SUCLA2: variants seen among roughly 807,000 people sequenced by gnomAD.
SUCLA2 encodes succinate-CoA ligase ADP-forming subunit beta.
A neutral mutation model predicts 54.8 loss-of-function variants in SUCLA2; 30 were observed. The ratio of observed to expected loss-of-function variants is 0.55; its 90% CI spans 0.41 to 0.74. The LOEUF (loss-of-function observed/expected upper bound fraction) is 0.74. Among genes scored for constraint, SUCLA2 ranks in the 30% least tolerant of loss-of-function variants. SUCLA2 has a pLI of 0.00. For missense variants in SUCLA2, 476 were observed against 562.9 expected (o/e 0.85, Z 1.56); for synonymous variants, 172 against 188.9 (o/e 0.91, Z 0.74).
intron 2 of SUCLA2, among the ~76,000 whole-genome samples, chr13:47,995,326 T>C (rs1405632176): frequency 1.4e-5 from 2 of 148,110 alleles, no homozygotes; most frequent in Non-Finnish European, 3.0e-5. Flanking sequence ...TAACAAAAAT[T>C]TCACCACAAT....
chr13:47,989,736 G>C (rs1181925198), intron 2 of SUCLA2, among the ~76,000 whole-genome samples: 2 of 152,122 alleles, frequency 1.3e-5, no homozygotes, highest in Non-Finnish European at 2.9e-5. Flanking sequence ...GCAGGAATAT[G>C]TCATGATTTG....
At chr13:47,973,543 C>T (rs1949985163) in intron 4 of SUCLA2, 151 bp from the exon 5 acceptor site, 2 of 767,950 alleles carry the variant, frequency 2.6e-6, no homozygotes, top group East Asian at 5.4e-5. Context: ...CCTCACATCT[C>T]CAGCACAGTG....
intron 6 of SUCLA2, among the ~76,000 whole-genome samples, chr13:47,966,280 G>C (rs1407047742): frequency 6.6e-6 from 1 of 151,930 alleles, no homozygotes; most frequent in Non-Finnish European, 1.5e-5. Flanking sequence ...AAATTTAAAA[G>C]TAAGGGGAAA....
At chr13:47,979,895 C>G (rs566965330) in intron 4 of SUCLA2, among the ~76,000 whole-genome samples, 3 of 151,592 alleles carry the variant, frequency 2.0e-5, no homozygotes, top group Admixed American at 6.6e-5. Context: ...TGCACACACA[C>G]AAAAAAAACT....
In SUCLA2 at chr13:47,988,861, T is replaced by C. The variant is rs775696383; in HGVS notation, c.371+21A>G. 8 of 1,609,038 alleles carry C rather than the reference T, an allele frequency of 5.0e-6. No individual in the cohort carries two copies. In the African/African-American group the frequency reaches 1.1e-4, roughly 22 times the overall value. ...ATCAGTCTTTAACAAGGATGATTTT[T>C]CCTTAAAAAATGTGACTTACGAGAA... On this transcript the variant is annotated intron_variant, in intron 3 of 10. Transcript: ENST00000646932.
chr13:47,964,034 G>C (rs551814436), intron 6 of SUCLA2, among the ~76,000 whole-genome samples: 4 of 152,160 alleles, frequency 2.6e-5, no homozygotes, highest in Non-Finnish European at 4.4e-5. Flanking sequence ...GTAGCAGCTT[G>C]TTGGTAATAG....
chr13:47,968,213 G>C (rs1023984706), intron 6 of SUCLA2, among the ~76,000 whole-genome samples: 1 of 152,110 alleles, frequency 6.6e-6, no homozygotes. Context: ...TTTTAATATG[G>C]TAACCACATT....
intron 4 of SUCLA2, among the ~76,000 whole-genome samples, chr13:47,974,632 T>G (rs1006187410): frequency 3.9e-5 from 6 of 152,108 alleles, no homozygotes; most frequent in Admixed American, 3.9e-4. Flanking sequence ...CTAACTAGTT[T>G]GAAAGAATAG....
In SUCLA2 at chr13:47,973,369, T is replaced by A; in HGVS notation, c.558A>T (p.Ser186=). The change falls in exon 5 of 11, where the codon TCA becomes TCT. Residue 186 remains serine, a synonymous_variant. Coordinates refer to ENST00000646932, the MANE Select transcript of SUCLA2 (RefSeq NM_003850.3). ...SFQGPVLIGS[S]HGGVNIEDVA... is the part of the protein sequence containing the mutation. ...CATCTTCAATGTTGACACCACCATG[T>A]GAACTTCCTATTAATACAGGACCCT... 1 of 1,613,698 alleles carries A rather than the reference T, an allele frequency of 6.2e-7. No individual in the cohort carries two copies. Among genetic ancestry groups the A allele is most frequent in the African/African-American group, 1.3e-5 (1 of 75,056 alleles).
chr13:47,984,251 T>C (rs1012197612), intron 4 of SUCLA2, among the ~76,000 whole-genome samples: 2 of 151,786 alleles, frequency 1.3e-5, no homozygotes, highest in Non-Finnish European at 2.9e-5. Context: ...TGGAGTGCAG[T>C]GGTGCAATCT....
At chr13:47,996,532 C>G (rs943934845) in intron 2 of SUCLA2, among the ~76,000 whole-genome samples, 2 of 151,888 alleles carry the variant, frequency 1.3e-5, no homozygotes, top group Non-Finnish European at 1.5e-5. Flanking sequence ...ATCCTTTAAG[C>G]TCCAGAGTAG....
intron 10 of SUCLA2, among the ~76,000 whole-genome samples, chr13:47,947,481 C>T (rs1241483057): frequency 6.6e-6 from 1 of 152,056 alleles, no homozygotes; most frequent in Non-Finnish European, 1.5e-5. Context: ...ATGGTTGACA[C>T]GTGGAAGTAT....
Position 47,969,210 on chromosome 13 carries a change from A to G in SUCLA2, c.664-477T>C, listed in dbSNP as rs568174066. Among the ~76,000 whole-genome samples, 11 of 152,292 alleles carry G rather than the reference A, an allele frequency of 7.2e-5. No individual in the cohort carries two copies. In the East Asian group the frequency reaches 1.7e-3, roughly 24 times the overall value. On this transcript the variant is annotated intron_variant, in intron 5 of 10. Transcript: ENST00000646932. ...ACCACAGTGAAACCCCATCTCTACT[A>G]AAAATATAAAATGTGGACTGACAAC... is the stretch of plus-strand genomic sequence containing the variant.
chr13:47,973,467 G>A lies in SUCLA2; in HGVS notation c.535-75C>T, dbSNP rs1263498217. 2.0e-6 allele frequency: 3 copies of A among 1,523,262 alleles called. No homozygotes were observed. The East Asian group carries it at 6.8e-5, about 35-fold the overall frequency. 94.4% of individuals were successfully genotyped at this position (1,523,262 alleles called of 1,614,324 possible). A position where few individuals can be genotyped will look rare whatever the true frequency, so the allele number is the denominator to read the frequency against. On this transcript the variant is annotated intron_variant, in intron 4 of 10. Coordinates refer to ENST00000646932, the MANE Select transcript of SUCLA2 (RefSeq NM_003850.3). Reference sequence around the variant, plus strand: ...CAATGAAACTTTAAAACCTACCCGTGCATAATATCAGATGTAAGCATCTAT... The same window carrying A: ...CAATGAAACTTTAAAACCTACCCGTACATAATATCAGATGTAAGCATCTAT...
chr13:47,954,005 CA>C (rs1388916757), intron 8 of SUCLA2, 134 bp downstream of exon 8: 3 of 814,500 alleles, frequency 3.7e-6, no homozygotes, highest in Admixed American at 4.1e-5. Flanking sequence ...GATATGATAG[CA>C]AAAAAAGACT....
intron 6 of SUCLA2, among the ~76,000 whole-genome samples, chr13:47,960,304 A>G (rs565850660): frequency 4.6e-5 from 7 of 152,294 alleles, no homozygotes; most frequent in Non-Finnish European, 1.0e-4. Flanking sequence ...TTCCTAAGCT[A>G]CTGTGGTCAA....
At chr13:47,990,265 T>A (rs1364369729) in intron 2 of SUCLA2, among the ~76,000 whole-genome samples, 2 of 152,146 alleles carry the variant, frequency 1.3e-5, no homozygotes, top group Non-Finnish European at 2.9e-5. Flanking sequence ...CAAGAATCAC[T>A]TGAATCCGGG....
In SUCLA2 at chr13:47,957,641, G is replaced by T. The variant is rs959179742; in HGVS notation, c.803-3084C>A. ...CCTCTCATTTTGGGAAATCTTTAAA[G>T]AATTTTCATTTGTAGATTGAACAAG... On this transcript the variant is annotated intron_variant, in intron 6 of 10. Coordinates refer to ENST00000646932, the MANE Select transcript of SUCLA2 (RefSeq NM_003850.3). 5.3e-5 allele frequency among the ~76,000 whole-genome samples: 8 copies of T among 152,188 alleles called. No individual in the cohort carries two copies. In the East Asian group the frequency reaches 1.3e-3, roughly 26 times the overall value.
In SUCLA2 at chr13:47,968,816, T is replaced by C. The variant is rs926283916; in HGVS notation, c.664-83A>G. 23 of 1,466,248 alleles carry C rather than the reference T, an allele frequency of 1.6e-5. No homozygotes were observed. In the African/African-American group the frequency reaches 2.5e-4, roughly 16 times the overall value. The allele number at this position is 1,466,248 out of a possible 1,614,324, so 90.8% of individuals were successfully genotyped here. On this transcript the variant is annotated intron_variant, in intron 5 of 10. Transcript: ENST00000646932. ...TATAAATAAAAAGCCTTGTAGTTTA[T>C]CACTTAAATGATAAACATGAGTCAT... is the stretch of plus-strand genomic sequence containing the variant.
Sources: allele counts gnomAD v4.1 joint callset (sites outside exome capture counted in the v4.1 genomes callset), GRCh38; gene constraint gnomAD v4.1.1; transcripts MANE v1.5; gene names NCBI Gene and HGNC (gene_info 2026-07-23, HGNC 2026-07-21).